Variants in GOLGA4 observed in about 807,000 individuals in gnomAD.
The protein encoded by GOLGA4 is golgin subfamily A member 4.
A neutral mutation model predicts 265.9 loss-of-function variants in GOLGA4; 169 were observed. That is an observed-to-expected ratio of 0.64 (90% CI 0.56 to 0.72). The LOEUF (loss-of-function observed/expected upper bound fraction) is 0.72, where lower values mean the gene tolerates loss of function less well. GOLGA4 is among the 30% of genes least tolerant of loss of function. GOLGA4 has a pLI of 0.00. For synonymous variants in GOLGA4, 923 were observed against 855.8 expected, an observed-to-expected ratio of 1.08 and a Z score of -1.37; for missense variants, 2,482 against 2,483.4, an observed-to-expected ratio of 1.00 and a Z score of 0.01.
At chr3:37,287,114 G>C (rs2096851606) in intron 4 of GOLGA4, among the ~76,000 whole-genome samples, 1 of 152,246 alleles carries the variant, frequency 6.6e-6, no homozygotes, top group African/African-American at 2.4e-5. Flanking sequence ...GCCAAGGCGG[G>C]TGGATCACCT....
At chr3:37,271,588 G>C (rs977519427) in intron 2 of GOLGA4, among the ~76,000 whole-genome samples, 4 of 152,042 alleles carry the variant, frequency 2.6e-5, no homozygotes, top group African/African-American at 7.2e-5. Context: ...TTATCTATTA[G>C]CCTACCCCTA....
In GOLGA4 at chr3:37,323,614, G is replaced by A. The variant is rs753813495; in HGVS notation, c.1728G>A (p.Leu576=). The A allele has an allele frequency of 6.4e-7, 1 of 1,568,254 alleles. No individual in the cohort carries two copies. The highest frequency in any genetic ancestry group is 8.6e-7 in the Non-Finnish European group (1 of 1,163,252). Residue 576 remains leucine (L), a synonymous_variant, in exon 14 of 24, where the codon TTG becomes TTA. Coordinates refer to ENST00000361924, the MANE Select transcript of GOLGA4 (RefSeq NM_002078.5). ...RTRILELESS[L]EKSLQENKNQ... is the part of the protein sequence containing the mutation. ...GAATTCTTGAATTGGAAAGTTCTTT[G>A]GAAAAAAGCTTACAAGAAAACAAAA...
rs1266054034 is a variant in GOLGA4 at position 37,336,663 on chromosome 3, T to G, written c.6307-480T>G. ...GCGCATGCCTGTGGTCCCAGCTACT[T>G]GGGAGGCTGAGGCAGGAGAATCGCT... is the stretch of plus-strand genomic sequence containing the variant. On this transcript the variant is annotated intron_variant, in intron 17 of 23. Transcript: ENST00000361924. Among the ~76,000 whole-genome samples the G allele has an allele frequency of 2.0e-5, 3 of 151,204 alleles. No individual in the cohort carries two copies. The East Asian group carries it at 5.8e-4, about 29-fold the overall frequency.
At chr3:37,251,825 T>C (rs762895641) in intron 2 of GOLGA4, among the ~76,000 whole-genome samples, 1 of 152,106 alleles carries the variant, frequency 6.6e-6, no homozygotes, top group Non-Finnish European at 1.5e-5. Flanking sequence ...GCTGGGACTA[T>C]AGGCGCACGC....
chr3:37,323,955 C>G lies in GOLGA4; in HGVS notation c.2069C>G (p.Ser690Cys). Residue 690 changes from serine to cysteine, a missense_variant, in exon 14 of 24, where the codon TCT becomes TGT. Ser to Cys is a moderately radical substitution (Grantham distance 112, BLOSUM62 -1). This residue lies in a region of GOLGA4 where 1,536 missense variants were observed against 1,483.7 expected (regional missense o/e 1.04). Transcript: ENST00000361924. ...DVKQTELESL[S>C]SELSEVLKAR... ...AAGCAAACAGAACTAGAATCATTAT[C>G]TTCTGAACTGTCAGAAGTATTAAAA... The G allele has an allele frequency of 6.2e-7, 1 of 1,613,470 alleles. No individual in the cohort carries two copies. The highest frequency in any genetic ancestry group is 8.5e-7 in the Non-Finnish European group (1 of 1,179,932).
chr3:37,331,395 C>T (rs1052919917), intron 16 of GOLGA4, among the ~76,000 whole-genome samples: 2 of 152,034 alleles, frequency 1.3e-5, no homozygotes, highest in Admixed American at 1.3e-4. Context: ...TAGCCAGTCC[C>T]CATCCAGACA....
At chr3:37,273,864 G>T (rs2096805758) in intron 2 of GOLGA4, among the ~76,000 whole-genome samples, 1 of 152,236 alleles carries the variant, frequency 6.6e-6, no homozygotes, top group South Asian at 2.1e-4. Flanking sequence ...CACTTTGGGA[G>T]GCTGAGGTGG....
chr3:37,347,988 G>A (rs979295674), intron 21 of GOLGA4, among the ~76,000 whole-genome samples: 2 of 152,058 alleles, frequency 1.3e-5, no homozygotes, highest in Non-Finnish European at 2.9e-5. Context: ...TTCATTTAAA[G>A]CAGTTTCTGT....
At chr3:37,276,154 A>C in intron 2 of GOLGA4, 2 of 1,603,504 alleles carry the variant, frequency 1.2e-6, no homozygotes, top group Admixed American at 3.4e-5. Context: ...CTCTTCGAAC[A>C]GGGGATGACT....
At chr3:37,340,077 C>T (rs985419808) in intron 19 of GOLGA4, 47 bp from the exon 20 acceptor site, 2 of 783,232 alleles carry the variant, frequency 2.6e-6, no homozygotes, top group Admixed American at 2.2e-5. Context: ...TTCTTACATA[C>T]AGTTTCCCTG....
intron 1 of GOLGA4, among the ~76,000 whole-genome samples, chr3:37,245,806 C>G (rs572295187): frequency 6.6e-6 from 1 of 152,008 alleles, no homozygotes; most frequent in Non-Finnish European, 1.5e-5. Context: ...TCTGGTGATC[C>G]GCCAGCCCCG....
chr3:37,282,668 A>G (rs1276849317), intron 3 of GOLGA4, among the ~76,000 whole-genome samples: 1 of 152,174 alleles, frequency 6.6e-6, no homozygotes, highest in Non-Finnish European at 1.5e-5. Flanking sequence ...TGCCAGTGAG[A>G]GTCCCATTAT....
chr3:37,252,709 T>C (rs966848516), intron 2 of GOLGA4, among the ~76,000 whole-genome samples: 11 of 152,232 alleles, frequency 7.2e-5, no homozygotes, highest in Admixed American at 3.3e-4. Flanking sequence ...TTGGTTTTAA[T>C]TTACATTCTC....
At chr3:37,280,867 T>A (rs1313502971) in intron 2 of GOLGA4, among the ~76,000 whole-genome samples, 1 of 152,060 alleles carries the variant, frequency 6.6e-6, no homozygotes, top group African/African-American at 2.4e-5. Flanking sequence ...GGACATATTA[T>A]CTCCTCTTAC....
intron 1 of GOLGA4, chr3:37,249,761 T>C (rs182665875): frequency 1.3e-4 from 20 of 152,302 alleles, no homozygotes; most frequent in African/African-American, 4.1e-4. Context: ...AAAAATAATT[T>C]ATTGAAGACT....
rs2097087549 is a variant in GOLGA4 at position 37,355,205 on chromosome 3, G to C, written c.6663+18G>C. 3 of 1,294,704 alleles carry C rather than the reference G, an allele frequency of 2.3e-6. No homozygotes were observed. The highest frequency in any genetic ancestry group is 3.4e-6 in the Non-Finnish European group (3 of 889,212). The allele number at this position is 1,294,704 out of a possible 1,614,324, so 80.2% of individuals were successfully genotyped here. A position where few individuals can be genotyped will look rare whatever the true frequency, so the allele number is the denominator to read the frequency against. On this transcript the variant is annotated intron_variant, in intron 22 of 23. Transcript: ENST00000361924. ...GGCTGATGGTAAGTTCTGGAAGTGG[G>C]CTCTAGATAGAAGATGATTTCCCAT... is the stretch of plus-strand genomic sequence containing the variant.
At chr3:37,296,555 A>G (rs1043981244) in intron 7 of GOLGA4, among the ~76,000 whole-genome samples, 3 of 152,080 alleles carry the variant, frequency 2.0e-5, no homozygotes, top group Admixed American at 6.6e-5. Flanking sequence ...GTTATTTAGG[A>G]GAAAATAAGT....
At chr3:37,329,142 GA>G (rs1267874596) in intron 16 of GOLGA4, 49 bp downstream of exon 16, 35 of 1,465,514 alleles carry the variant, frequency 2.4e-5, no homozygotes, top group Non-Finnish European at 3.0e-5. Context: ...AGCTGTAATA[GA>G]TTTCATGGTA....
chr3:37,279,795 T>C (rs896097607), intron 2 of GOLGA4, among the ~76,000 whole-genome samples: 2 of 151,874 alleles, frequency 1.3e-5, no homozygotes, highest in Middle Eastern at 3.4e-3. Flanking sequence ...TATTCCCAGC[T>C]ACTTGGAAGG....
Sources: allele counts gnomAD v4.1 joint callset (sites outside exome capture counted in the v4.1 genomes callset), GRCh38; gene constraint gnomAD v4.1.1; regional missense constraint gnomAD v4.1.1; transcripts MANE v1.5; gene names NCBI Gene and HGNC (gene_info 2026-07-23, HGNC 2026-07-21).